ANKMY2: variants seen among roughly 807,000 people sequenced by gnomAD.
ANKMY2 encodes the protein ankyrin repeat and MYND domain containing 2, also known as ankyrin repeat and MYND domain-containing protein 2.
Under a neutral mutation model 50.4 loss-of-function variants are expected in ANKMY2, and 36 were observed. The ratio of observed to expected loss-of-function variants is 0.71; its 90% CI spans 0.55 to 0.94. ANKMY2 has a LOEUF of 0.94. Among genes scored for constraint, ANKMY2 ranks in the 40% least tolerant of loss-of-function variants. ANKMY2 has a pLI of 0.00. For missense variants in ANKMY2, 565 were observed against 524.0 expected (o/e 1.08, Z -0.76); for synonymous variants, 187 against 178.8 (o/e 1.05, Z -0.36).
At chr7:16,604,032 A>G (rs1338286657) in intron 8 of ANKMY2, among the ~76,000 whole-genome samples, 1 of 152,258 alleles carries the variant, frequency 6.6e-6, no homozygotes, top group Non-Finnish European at 1.5e-5. Flanking sequence ...TCAGAGAAGT[A>G]AGTCATTAAA....
intron 1 of ANKMY2, among the ~76,000 whole-genome samples, chr7:16,642,443 T>C (rs1781758718): frequency 6.6e-6 from 1 of 152,212 alleles, no homozygotes; most frequent in Admixed American, 6.5e-5. Flanking sequence ...CATCTGGAAC[T>C]TCTTGGCATT....
intron 1 of ANKMY2, among the ~76,000 whole-genome samples, chr7:16,641,114 A>G (rs1781739230): frequency 6.6e-6 from 1 of 152,086 alleles, no homozygotes. Context: ...CACGCCTGTA[A>G]TCCCAGCTAC....
intron 5 of ANKMY2, among the ~76,000 whole-genome samples, chr7:16,614,433 T>C (rs1322809402): frequency 2.0e-5 from 3 of 152,188 alleles, no homozygotes; most frequent in Non-Finnish European, 2.9e-5. Context: ...CAGATTCCAC[T>C]CTTCTGTCTG....
At chr7:16,634,069 C>T (rs1781623576) in intron 2 of ANKMY2, among the ~76,000 whole-genome samples, 1 of 152,176 alleles carries the variant, frequency 6.6e-6, no homozygotes, top group Non-Finnish European at 1.5e-5. Flanking sequence ...GAACCCCTTT[C>T]CCTTCTGCAT....
chr7:16,611,176 C>G (rs192387904), intron 5 of ANKMY2, among the ~76,000 whole-genome samples: 116 of 152,274 alleles, frequency 7.6e-4, no homozygotes, highest in African/African-American at 2.7e-3. Context: ...AATTTCATGG[C>G]TAGGAGAACT....
At chr7:16,641,255 C>T (rs1409076362) in intron 1 of ANKMY2, among the ~76,000 whole-genome samples, 1 of 151,954 alleles carries the variant, frequency 6.6e-6, no homozygotes, top group Non-Finnish European at 1.5e-5. Context: ...CACACACACA[C>T]ACACATAGTG....
rs143914403 is a variant in ANKMY2 at position 16,623,353 on chromosome 7, T to C, written c.370+1630A>G. On this transcript the variant is annotated intron_variant, in intron 4 of 9. Transcript: ENST00000306999. ...TTTTAGGATAGGATTGCAAACAATTTTTACTGTAGTAAAAATTTTGTTAGT... is the reference window on the plus strand; with the variant it reads ...TTTTAGGATAGGATTGCAAACAATTCTTACTGTAGTAAAAATTTTGTTAGT... 5.4e-3 allele frequency among the ~76,000 whole-genome samples: 820 copies of C among 152,308 alleles called. 5 individuals are homozygous for C. The highest frequency in any genetic ancestry group is 0.019 in the African/African-American group (791 of 41,560).
At chr7:16,614,642 G>A (rs532348142) in intron 5 of ANKMY2, among the ~76,000 whole-genome samples, 1 of 152,324 alleles carries the variant, frequency 6.6e-6, no homozygotes, top group South Asian at 2.1e-4. Flanking sequence ...TCAGTCTTCA[G>A]AAGAGTCACC....
chr7:16,635,105 A>G lies in ANKMY2; in HGVS notation c.132+1286T>C, dbSNP rs575696690. On this transcript the variant is annotated intron_variant, in intron 2 of 9. Coordinates refer to ENST00000306999, the MANE Select transcript of ANKMY2 (RefSeq NM_020319.3). ...TGGTAATCATCCCCAAACTGGAAAC[A>G]ACCCAAAACTCTAACAGCTGATGAA... Among the ~76,000 whole-genome samples the G allele has an allele frequency of 7.2e-5, 11 of 152,320 alleles. No individual in the cohort carries two copies. In the South Asian group the frequency reaches 2.3e-3, roughly 32 times the overall value.
intron 4 of ANKMY2, among the ~76,000 whole-genome samples, chr7:16,619,417 G>T (rs1781402857): frequency 6.6e-6 from 1 of 152,136 alleles, no homozygotes; most frequent in African/African-American, 2.4e-5. Context: ...GCCTCCCAAA[G>T]TGCTGGGATT....
At chr7:16,631,876 A>C (rs1781592000) in intron 2 of ANKMY2, among the ~76,000 whole-genome samples, 1 of 152,062 alleles carries the variant, frequency 6.6e-6, no homozygotes, top group Admixed American at 6.5e-5. Context: ...CGGCCTCCCA[A>C]AGTACTGAGA....
intron 4 of ANKMY2, 70 bp from the exon 5 acceptor site, chr7:16,615,974 T>C (rs1781340176): frequency 6.3e-6 from 9 of 1,429,648 alleles, no homozygotes; most frequent in Non-Finnish European, 5.7e-6. Context: ...TTAAAATTAA[T>C]TATGTTGCTA....
chr7:16,636,021 G>A (rs1190549773), intron 2 of ANKMY2, among the ~76,000 whole-genome samples: 2 of 151,986 alleles, frequency 1.3e-5, no homozygotes, highest in Non-Finnish European at 2.9e-5. Context: ...TAAGAGATTT[G>A]AAGGCTGAGC....
chr7:16,620,348 G>C (rs2286227), intron 4 of ANKMY2, among the ~76,000 whole-genome samples: 26,851 of 152,134 alleles, frequency 0.18, 2,662 homozygotes, highest in Middle Eastern at 0.26. Context: ...AAAAATACTA[G>C]ACTCTCTCAG....
intron 4 of ANKMY2, among the ~76,000 whole-genome samples, chr7:16,622,166 T>C (rs1423965834): frequency 6.6e-6 from 1 of 152,048 alleles, no homozygotes; most frequent in Non-Finnish European, 1.5e-5. Context: ...ATTTGTTAGA[T>C]AATGGATTTG....
At chr7:16,607,944 T>C (rs1781187468) in intron 7 of ANKMY2, among the ~76,000 whole-genome samples, 1 of 152,174 alleles carries the variant, frequency 6.6e-6, no homozygotes, top group South Asian at 2.1e-4. Flanking sequence ...GGCAGAGGGC[T>C]TCTGGGAGAG....
chr7:16,633,852 T>TTC lies in ANKMY2; in HGVS notation c.132+2537_132+2538dup, dbSNP rs537447976. On this transcript the variant is annotated intron_variant, in intron 2 of 9. Coordinates refer to ENST00000306999, the MANE Select transcript of ANKMY2 (RefSeq NM_020319.3). ...AAGGTGCTATTGCGATCTTACAGAT[T>TTC]TCTCCTTTGAGCACCATCATTTTTT... 2.6e-4 allele frequency among the ~76,000 whole-genome samples: 40 copies of TTC among 152,268 alleles called. No homozygotes were observed. The South Asian group carries it at 3.5e-3, about 13-fold the overall frequency.
chr7:16,620,607 C>T (rs1487329034), intron 4 of ANKMY2, among the ~76,000 whole-genome samples: 4 of 151,792 alleles, frequency 2.6e-5, no homozygotes, highest in Non-Finnish European at 5.9e-5. Context: ...CACACACACA[C>T]ACACACACAC....
intron 3 of ANKMY2, 146 bp from the exon 4 acceptor site, chr7:16,625,227 C>T: frequency 1.8e-6 from 1 of 568,760 alleles, no homozygotes; most frequent in Non-Finnish European, 3.0e-6. Context: ...AACATGAATC[C>T]TAACTACAGT....
Sources: gnomAD v4.1 joint callset for allele counts (sites outside exome capture counted in the v4.1 genomes callset) on GRCh38, gnomAD v4.1.1 for gene constraint, MANE v1.5 for transcripts, NCBI Gene and HGNC (gene_info 2026-07-23, HGNC 2026-07-21) for gene names.